Variants in RTN4R observed in about 807,000 individuals in gnomAD.
RTN4R encodes the protein reticulon-4 receptor.
RTN4R carries 4 observed loss-of-function variants against 27.7 expected under a neutral mutation model. The ratio of observed to expected loss-of-function variants is 0.14; its 90% confidence interval spans 0.07 to 0.33. The LOEUF (loss-of-function observed/expected upper bound fraction) is 0.33. Ranked by LOEUF, RTN4R falls within the 10% of genes least tolerant of loss-of-function variation. RTN4R has a pLI of 1.00. For synonymous variants in RTN4R, 290 were observed against 305.6 expected (o/e 0.95, Z 0.53); for missense variants, 554 against 671.5 (o/e 0.83, Z 1.93).
chr22:20,251,845 C>A (rs1415337040), intron 1 of RTN4R, among the ~76,000 whole-genome samples: 1 of 121,662 alleles, frequency 8.2e-6, no homozygotes, highest in African/African-American at 3.1e-5. Flanking sequence ...CATCACCATC[C>A]TCATCACCCT....
intron 1 of RTN4R, among the ~76,000 whole-genome samples, chr22:20,251,027 G>A (rs972480861): frequency 5.3e-5 from 8 of 152,208 alleles, no homozygotes; most frequent in African/African-American, 1.7e-4. Flanking sequence ...CCGTTTAACT[G>A]AGGTAGGGGG....
chr22:20,266,929 C>A (rs2051280936), intron 1 of RTN4R, among the ~76,000 whole-genome samples: 1 of 152,256 alleles, frequency 6.6e-6, no homozygotes. Context: ...CGGAGGCAGG[C>A]AGGCAGAGGT....
At position 20,241,915 on chromosome 22, in the gene RTN4R, T is replaced by G. The variant is rs1288333558; in HGVS notation, c.1218A>C (p.Pro406=). The G allele has an allele frequency of 6.2e-7, 1 of 1,605,802 alleles. No homozygotes were observed. Among genetic ancestry groups the G allele is most frequent in the East Asian group, 2.2e-5 (1 of 44,760 alleles). Residue 406 remains proline, a synonymous_variant, in exon 2 of 2, where the codon CCA becomes CCC. Transcript: ENST00000043402. ...GGCGAGGGCCCGAGGTGGGGAACCC[T>G]GGTGGCTCGGAGCCCTCGGGCCGCA... The part of the protein sequence containing the change: ...TAVRPEGSEP[P]GFPTSGPRRR...
chr22:20,244,414 C>T (rs1398867591), intron 1 of RTN4R, among the ~76,000 whole-genome samples: 2 of 152,224 alleles, frequency 1.3e-5, no homozygotes, highest in Non-Finnish European at 2.9e-5. Flanking sequence ...GCCCAGCACG[C>T]GCAGTGACCG....
At chr22:20,263,646 A>G (rs1569042781) in intron 1 of RTN4R, among the ~76,000 whole-genome samples, 1 of 152,228 alleles carries the variant, frequency 6.6e-6, no homozygotes, top group East Asian at 1.9e-4. Context: ...TCCATGTGCC[A>G]GGGCCCTGAA....
At chr22:20,260,493 A>G (rs1229855085) in intron 1 of RTN4R, among the ~76,000 whole-genome samples, 1 of 152,152 alleles carries the variant, frequency 6.6e-6, no homozygotes, top group Non-Finnish European at 1.5e-5. Flanking sequence ...AGGTGGGGCC[A>G]GGAGCACCAG....
intron 1 of RTN4R, among the ~76,000 whole-genome samples, chr22:20,254,174 A>C (rs2051199854): frequency 6.6e-6 from 1 of 152,128 alleles, no homozygotes; most frequent in African/African-American, 2.4e-5. Context: ...CACGCCGGTA[A>C]TCCCAGCACT....
At chr22:20,243,351 C>T (rs999181042) in intron 1 of RTN4R, 60 of 701,102 alleles carry the variant, frequency 8.6e-5, no homozygotes, top group African/African-American at 8.3e-4. Context: ...GCCACATCTG[C>T]AGACTCCCCA....
In RTN4R at chr22:20,268,022, C is replaced by G. The variant is rs1049337490; in HGVS notation, c.22+49G>C. 2.6e-5 allele frequency: 29 copies of G among 1,117,166 alleles called. No individual in the cohort carries two copies. In the African/African-American group the frequency reaches 2.6e-4, roughly 10 times the overall value. 69.2% of individuals were successfully genotyped at this position (1,117,166 alleles called of 1,614,324 possible). A position where few individuals can be genotyped will look rare whatever the true frequency, so the allele number is the denominator to read the frequency against. On this transcript the variant is annotated intron_variant, in intron 1 of 1. Coordinates refer to ENST00000043402, the MANE Select transcript of RTN4R (RefSeq NM_023004.6). ...CTCCGGGGAGGGGGCGAGCCGCCCC[C>G]CTCCGCGCCCCGCCGCCGGCCGGGC...
intron 1 of RTN4R, among the ~76,000 whole-genome samples, chr22:20,244,631 G>A (rs1367020148): frequency 2.0e-5 from 3 of 152,110 alleles, no homozygotes; most frequent in East Asian, 1.9e-4. Context: ...TTTAAACTGC[G>A]GACACCCTCT....
At chr22:20,262,913 G>A (rs1275148656) in intron 1 of RTN4R, among the ~76,000 whole-genome samples, 3 of 152,214 alleles carry the variant, frequency 2.0e-5, no homozygotes, top group African/African-American at 4.8e-5. Flanking sequence ...TGTGATAGCC[G>A]GGGATCCAGG....
intron 1 of RTN4R, among the ~76,000 whole-genome samples, chr22:20,262,748 T>C (rs1429039984): frequency 1.3e-5 from 2 of 152,184 alleles, no homozygotes; most frequent in Non-Finnish European, 2.9e-5. Flanking sequence ...AGGCCTACGG[T>C]GACCAGGAAG....
chr22:20,250,033 C>G (rs1192649202), intron 1 of RTN4R, among the ~76,000 whole-genome samples: 3 of 152,240 alleles, frequency 2.0e-5, no homozygotes, highest in Non-Finnish European at 4.4e-5. Flanking sequence ...GCTAAGACCA[C>G]AGAGAAGCTC....
chr22:20,252,628 A>G (rs907922065), intron 1 of RTN4R, among the ~76,000 whole-genome samples: 1 of 151,980 alleles, frequency 6.6e-6, no homozygotes, highest in African/African-American at 2.4e-5. Flanking sequence ...CCTTATCACC[A>G]TCATCATCCC....
intron 1 of RTN4R, among the ~76,000 whole-genome samples, chr22:20,247,650 G>A (rs1192099670): frequency 6.6e-6 from 1 of 152,184 alleles, no homozygotes; most frequent in Non-Finnish European, 1.5e-5. Flanking sequence ...CTTCTGGTGG[G>A]GGCAGTCTGC....
At chr22:20,267,425 G>T (rs1365907609) in intron 1 of RTN4R, among the ~76,000 whole-genome samples, 10 of 152,198 alleles carry the variant, frequency 6.6e-5, no homozygotes, top group Non-Finnish European at 1.2e-4. Context: ...CTGCTAGGGA[G>T]GGGTTGCTGA....
rs533592123 is a variant in RTN4R at position 20,250,413 on chromosome 22, C to A, written c.23-7303G>T. ...GAATTATTTAGTATCACACCATTCA[C>A]ACAAACAGTTTGCCGACCTGGTTTG... is the stretch of plus-strand genomic sequence containing the variant. On this transcript the variant is annotated intron_variant, in intron 1 of 1. Transcript: ENST00000043402. Among the ~76,000 whole-genome samples, 96 of 152,388 alleles carry A rather than the reference C, an allele frequency of 6.3e-4. 1 individual carries two copies. The highest frequency in any genetic ancestry group is 3.1e-3 in the South Asian group (15 of 4,830).
intron 1 of RTN4R, among the ~76,000 whole-genome samples, chr22:20,248,285 T>G (rs1032836177): frequency 6.6e-6 from 1 of 152,098 alleles, no homozygotes; most frequent in Non-Finnish European, 1.5e-5. Context: ...GCCCCAGGGC[T>G]AGCGGGCTTC....
intron 1 of RTN4R, among the ~76,000 whole-genome samples, chr22:20,244,422 C>T (rs1208879462): frequency 6.6e-6 from 1 of 152,242 alleles, no homozygotes; most frequent in Non-Finnish European, 1.5e-5. Context: ...CGCGCAGTGA[C>T]CGCTGGGCAT....
Sources: allele counts gnomAD v4.1 joint callset (sites outside exome capture counted in the v4.1 genomes callset), GRCh38; gene constraint gnomAD v4.1.1; transcripts MANE v1.5; gene names NCBI Gene and HGNC (gene_info 2026-07-23, HGNC 2026-07-21).